Variants in ERBB4 observed in about 807,000 individuals in gnomAD.
The protein encoded by ERBB4 is receptor tyrosine-protein kinase erbB-4.
A neutral mutation model predicts 158.0 loss-of-function variants in ERBB4; 42 were observed. The observed-to-expected ratio is 0.27, with a 90% CI of 0.21 to 0.34. The LOEUF (loss-of-function observed/expected upper bound fraction) is 0.34. Ranked by LOEUF, ERBB4 falls within the 10% of genes least tolerant of loss-of-function variation. ERBB4 has a pLI of 1.00. For missense variants in ERBB4, 1,333 were observed against 1,624.1 expected (o/e 0.82, Z 3.08); for synonymous variants, 583 against 558.7 (o/e 1.04, Z -0.61).
chr2:211,574,368 G>A (rs909153963), intron 19 of ERBB4, among the ~76,000 whole-genome samples: 3 of 152,066 alleles, frequency 2.0e-5, no homozygotes, highest in South Asian at 2.1e-4. Flanking sequence ...CATTATAAGA[G>A]AACTTCAAAG....
intron 3 of ERBB4, among the ~76,000 whole-genome samples, chr2:211,901,271 G>A (rs1162229544): frequency 6.6e-6 from 1 of 152,066 alleles, no homozygotes; most frequent in Non-Finnish European, 1.5e-5. Context: ...ACCTGTAATG[G>A]CATTTGCTCT....
intron 2 of ERBB4, among the ~76,000 whole-genome samples, chr2:211,987,237 C>T (rs906120066): frequency 2.0e-5 from 3 of 150,294 alleles, no homozygotes; most frequent in African/African-American, 7.3e-5. Flanking sequence ...AGGAGAATCA[C>T]TTGAACCCAG....
Position 211,787,917 on chromosome 2 carries a change from G to A in ERBB4, c.556+108C>T. 1.9e-6 allele frequency: 2 copies of A among 1,058,142 alleles called. 1 individual carries two copies. The highest frequency in any genetic ancestry group is 4.9e-5 in the East Asian group (2 of 40,852). 65.5% of individuals were successfully genotyped at this position (1,058,142 alleles called of 1,614,324 possible). On this transcript the variant is annotated intron_variant, in intron 4 of 27. Coordinates refer to ENST00000342788, the MANE Select transcript of ERBB4 (RefSeq NM_005235.3). ...GCCATATATAACTGAACATTTCAAT[G>A]AATGCAATCAAAGTTCAAAATATTA...
At chr2:212,060,826 G>T (rs1030558789) in intron 2 of ERBB4, among the ~76,000 whole-genome samples, 14 of 150,508 alleles carry the variant, frequency 9.3e-5, no homozygotes, top group Admixed American at 8.7e-4. Context: ...GGGGAGATGG[G>T]GGAGGGATAC....
intron 20 of ERBB4, among the ~76,000 whole-genome samples, chr2:211,494,197 T>C (rs2065413774): frequency 6.6e-6 from 1 of 152,092 alleles, no homozygotes; most frequent in South Asian, 2.1e-4. Flanking sequence ...GAGATAGGGT[T>C]TCACCATATT....
At chr2:212,146,978 T>C (rs1184171403) in intron 1 of ERBB4, among the ~76,000 whole-genome samples, 3 of 137,122 alleles carry the variant, frequency 2.2e-5, no homozygotes, top group Non-Finnish European at 3.1e-5. Context: ...TCTGTTGTCA[T>C]TGTTAGACTT....
At chr2:211,820,150 T>C (rs2076963240) in intron 3 of ERBB4, among the ~76,000 whole-genome samples, 1 of 151,836 alleles carries the variant, frequency 6.6e-6, no homozygotes, top group Non-Finnish European at 1.5e-5. Context: ...CACAAATACA[T>C]ATAAAAAGTA....
chr2:211,745,189 TA>T (rs1172275280), intron 5 of ERBB4, among the ~76,000 whole-genome samples: 39 of 152,230 alleles, frequency 2.6e-4, no homozygotes, highest in African/African-American at 9.1e-4. Context: ...TAACTGACTT[TA>T]AAAAAATGAA....
At chr2:212,434,393 C>G (rs2092093279) in intron 1 of ERBB4, among the ~76,000 whole-genome samples, 2 of 151,792 alleles carry the variant, frequency 1.3e-5, no homozygotes, top group African/African-American at 4.8e-5. Flanking sequence ...TCTTCTACAC[C>G]TTAAAACATT....
intron 1 of ERBB4, among the ~76,000 whole-genome samples, chr2:212,156,081 CCT>C (rs2081027588): frequency 6.6e-6 from 1 of 152,020 alleles, no homozygotes; most frequent in Non-Finnish European, 1.5e-5. Context: ...GTCAAGAACC[CCT>C]GTCTCAGCTC....
At chr2:212,321,411 G>T (rs12694272) in intron 1 of ERBB4, among the ~76,000 whole-genome samples, 28,829 of 150,164 alleles carry the variant, frequency 0.19, 4,935 homozygotes, top group African/African-American at 0.41. Flanking sequence ...TTATATGGCA[G>T]AATTAAAAAT....
At chr2:212,448,998 T>A (rs1307568957) in intron 1 of ERBB4, among the ~76,000 whole-genome samples, 1 of 152,120 alleles carries the variant, frequency 6.6e-6, no homozygotes, top group African/African-American at 2.4e-5. Flanking sequence ...GCATATGAGG[T>A]CATTTATCTC....
intron 1 of ERBB4, among the ~76,000 whole-genome samples, chr2:212,308,440 A>G (rs2086896725): frequency 6.6e-6 from 1 of 151,032 alleles, no homozygotes. Context: ...CATTTTCTCT[A>G]TGAAACGTCT....
chr2:212,083,161 C>T (rs1028600886), intron 2 of ERBB4, among the ~76,000 whole-genome samples: 17 of 151,972 alleles, frequency 1.1e-4, no homozygotes, highest in African/African-American at 3.4e-4. Context: ...GTCAAACAAA[C>T]CTGATTGCTT....
chr2:212,183,856 C>A (rs994654398), intron 1 of ERBB4, among the ~76,000 whole-genome samples: 3 of 152,078 alleles, frequency 2.0e-5, no homozygotes, highest in Admixed American at 6.6e-5. Flanking sequence ...TATTCTTCAT[C>A]TATTTTTCCA....
chr2:211,565,822 A>T, intron 19 of ERBB4, among the ~76,000 whole-genome samples: 1 of 152,216 alleles, frequency 6.6e-6, no homozygotes, highest in East Asian at 1.9e-4. Context: ...AAGACCAAAC[A>T]AAAGAAGTAA....
At chr2:212,455,610 C>T in intron 1 of ERBB4, among the ~76,000 whole-genome samples, 1 of 151,928 alleles carries the variant, frequency 6.6e-6, no homozygotes, top group Non-Finnish European at 1.5e-5. Flanking sequence ...TTTCCATCAC[C>T]AAAGATGGAA....
chr2:211,537,942 C>A (rs559640979), intron 20 of ERBB4, among the ~76,000 whole-genome samples: 1 of 151,846 alleles, frequency 6.6e-6, no homozygotes, highest in East Asian at 1.9e-4. Flanking sequence ...TATATGTGCA[C>A]CTGCATTAGA....
intron 1 of ERBB4, among the ~76,000 whole-genome samples, chr2:212,315,386 C>G (rs984743267): frequency 6.6e-6 from 1 of 151,366 alleles, no homozygotes; most frequent in Non-Finnish European, 1.5e-5. Context: ...ATAAGATACA[C>G]ATAGACACAC....
Sources: gnomAD v4.1 joint callset for allele counts (sites outside exome capture counted in the v4.1 genomes callset) on GRCh38, gnomAD v4.1.1 for gene constraint, MANE v1.5 for transcripts, NCBI Gene and HGNC (gene_info 2026-07-23, HGNC 2026-07-21) for gene names.